Variants in SCN9A observed in about 807,000 individuals in gnomAD.
SCN9A encodes sodium channel protein type 9 subunit alpha.
Under a neutral mutation model 187.0 loss-of-function variants are expected in SCN9A, and 131 were observed. The ratio of observed to expected loss-of-function variants is 0.70; its 90% CI spans 0.61 to 0.81. The LOEUF (loss-of-function observed/expected upper bound fraction) is 0.81, where lower values mean the gene tolerates loss of function less well. Ranked by LOEUF, SCN9A falls within the 30% of genes least tolerant of loss-of-function variation. The probability of loss-of-function intolerance (pLI) is 0.00; values close to 1 mark genes in which losing one functional copy is unlikely to be tolerated. For missense variants in SCN9A, 2,252 were observed against 2,396.6 expected (o/e 0.94, Z 1.26); for synonymous variants, 809 against 808.6 (o/e 1.00, Z -0.01).
chr2:166,278,356 A>T, intron 14 of SCN9A, 43 bp from the exon 15 acceptor site: 2 of 1,447,536 alleles, frequency 1.4e-6, no homozygotes, highest in South Asian at 2.6e-5. Context: ...ATTAGAAAAC[A>T]GGAAATCAAC....
intron 2 of SCN9A, among the ~76,000 whole-genome samples, chr2:166,309,213 C>T (rs1439389589): frequency 1.3e-5 from 2 of 152,034 alleles, no homozygotes; most frequent in African/African-American, 4.8e-5. Context: ...CATGAAAAAT[C>T]ACAACATACT....
In SCN9A at chr2:166,347,836, A is replaced by G. The variant is rs542394071; in HGVS notation, c.-51+27861T>C. ...AAAGTTCATGCCACAGAATTTAAAGAGGCTGTTACACTCTGATCTAGAACT... is the reference window on the plus strand; with the variant it reads ...AAAGTTCATGCCACAGAATTTAAAGGGGCTGTTACACTCTGATCTAGAACT... On this transcript the variant is annotated intron_variant, in intron 1 of 26. Coordinates refer to ENST00000642356, the MANE Select transcript of SCN9A (RefSeq NM_001365536.1). Among the ~76,000 whole-genome samples the G allele has an allele frequency of 1.2e-4, 18 of 152,310 alleles. No individual in the cohort carries two copies. The South Asian group carries it at 1.7e-3, about 14-fold the overall frequency.
At position 166,197,240 on chromosome 2, in the gene SCN9A, A is replaced by G. The variant is rs193025500; in HGVS notation, c.*1432T>C. 1 of 152,100 alleles carries G rather than the reference A, an allele frequency of 6.6e-6. No homozygotes were observed. Among genetic ancestry groups the G allele is most frequent in the African/African-American group, 2.4e-5 (1 of 41,438 alleles). 9.4% of individuals were successfully genotyped at this position (152,100 alleles called of 1,614,324 possible). A position where few individuals can be genotyped will look rare whatever the true frequency, so the allele number is the denominator to read the frequency against. ...CATATTCCTGAAATAAACTCACGAA[A>G]AAAAGCATTATGGTTATTTCTTTTC... On this transcript the variant is annotated 3_prime_UTR_variant, in exon 27 of 27. Transcript: ENST00000642356.
intron 24 of SCN9A, among the ~76,000 whole-genome samples, chr2:166,218,978 C>T (rs887239357): frequency 2.0e-5 from 3 of 152,166 alleles, no homozygotes; most frequent in Non-Finnish European, 4.4e-5. Flanking sequence ...CTCAATGTCA[C>T]TGACCATTAG....
chr2:166,363,383 C>A (rs1700335481), intron 1 of SCN9A, among the ~76,000 whole-genome samples: 1 of 151,948 alleles, frequency 6.6e-6, no homozygotes, highest in South Asian at 2.1e-4. Flanking sequence ...ACAATGAATC[C>A]TTGTTTGATT....
At chr2:166,217,338 A>G (rs889768936) in intron 24 of SCN9A, among the ~76,000 whole-genome samples, 2 of 152,124 alleles carry the variant, frequency 1.3e-5, no homozygotes, top group East Asian at 1.9e-4. Flanking sequence ...CACAGGTAAC[A>G]AAAGACAATA....
intron 17 of SCN9A, among the ~76,000 whole-genome samples, chr2:166,255,606 T>G (rs1424443255): frequency 6.6e-6 from 1 of 151,422 alleles, no homozygotes; most frequent in Non-Finnish European, 1.5e-5. Context: ...AACAAAAACC[T>G]TACTCAAAGA....
intron 26 of SCN9A, among the ~76,000 whole-genome samples, chr2:166,202,024 A>AT (rs1478815368): frequency 6.6e-6 from 1 of 151,244 alleles, no homozygotes; most frequent in African/African-American, 2.4e-5. Context: ...GTCTATTGGG[A>AT]TTTTTACTAT....
chr2:166,284,561 C>T lies in SCN9A; in HGVS notation c.1866G>A (p.Val622=), dbSNP rs552284177. ...LPVNGKMHSA[V]DCNGVVSLVD... is the part of the protein sequence containing the mutation. Reference sequence around the variant, plus strand: ...CCAGGGAGACCACACCGTTGCAGTCCACAGCACTGTGCATTTTCCCGTTCA... The same window carrying T: ...CCAGGGAGACCACACCGTTGCAGTCTACAGCACTGTGCATTTTCCCGTTCA... Residue 622 remains valine (V), a synonymous_variant, in exon 12 of 27, where the codon GTG becomes GTA. Transcript: ENST00000642356. 22 of 1,614,114 alleles carry T rather than the reference C, an allele frequency of 1.4e-5. No individual in the cohort carries two copies. The African/African-American group carries it at 1.5e-4, about 11-fold the overall frequency.
At chr2:166,202,175 T>A (rs537262342) in intron 26 of SCN9A, among the ~76,000 whole-genome samples, 1 of 151,688 alleles carries the variant, frequency 6.6e-6, no homozygotes, top group Non-Finnish European at 1.5e-5. Flanking sequence ...AATATTTTGT[T>A]TTTTTGTGCA....
intron 4 of SCN9A, among the ~76,000 whole-genome samples, chr2:166,306,159 A>T (rs1698749669): frequency 6.6e-6 from 1 of 152,140 alleles, no homozygotes; most frequent in African/African-American, 2.4e-5. Flanking sequence ...TAGGTCTCAG[A>T]TCTGCCTAAA....
chr2:166,262,275 T>A (rs1334156005), intron 17 of SCN9A, among the ~76,000 whole-genome samples: 1 of 152,034 alleles, frequency 6.6e-6, no homozygotes, highest in Non-Finnish European at 1.5e-5. Flanking sequence ...AATACCATAA[T>A]GTATAAAATA....
intron 2 of SCN9A, among the ~76,000 whole-genome samples, chr2:166,308,882 C>G (rs1328421901): frequency 6.9e-6 from 1 of 144,896 alleles, no homozygotes; most frequent in East Asian, 2.0e-4. Flanking sequence ...GCCAAAATCG[C>G]GCCACGGCAC....
In SCN9A at chr2:166,290,080, C is replaced by T. The variant is rs1290399577; in HGVS notation, c.1108-1437G>A. Among the ~76,000 whole-genome samples, 4 of 152,050 alleles carry T rather than the reference C, an allele frequency of 2.6e-5. No homozygotes were observed. In the South Asian group the frequency reaches 6.2e-4, roughly 24 times the overall value. On this transcript the variant is annotated intron_variant, in intron 9 of 26. Coordinates refer to ENST00000642356, the MANE Select transcript of SCN9A (RefSeq NM_001365536.1). ...CTCCCTCCCCTTGCCTCCCACCCCC[C>T]AACAGGCCCCGGTGTGTGTTGTTCC...
At chr2:166,338,767 A>G (rs1224425081) in intron 1 of SCN9A, among the ~76,000 whole-genome samples, 2 of 152,162 alleles carry the variant, frequency 1.3e-5, no homozygotes, top group Non-Finnish European at 1.5e-5. Flanking sequence ...TGGGCAGAAT[A>G]CAAATCAGTT....
intron 24 of SCN9A, among the ~76,000 whole-genome samples, chr2:166,219,339 T>A (rs945046962): frequency 6.6e-6 from 1 of 152,066 alleles, no homozygotes; most frequent in Non-Finnish European, 1.5e-5. Flanking sequence ...AGTGATAGAC[T>A]GGATAAAGAT....
intron 1 of SCN9A, among the ~76,000 whole-genome samples, chr2:166,339,279 C>T (rs115783892): frequency 0.015 from 2,278 of 152,202 alleles, 23 homozygotes; most frequent in African/African-American, 0.024. Flanking sequence ...GTAAGTTGGT[C>T]TTAACTTTCT....
intron 2 of SCN9A, among the ~76,000 whole-genome samples, chr2:166,308,566 A>G (rs1698833797): frequency 6.6e-6 from 1 of 152,270 alleles, no homozygotes; most frequent in Admixed American, 6.5e-5. Context: ...AACAGTGAGT[A>G]AATTAAATCT....
intron 18 of SCN9A, among the ~76,000 whole-genome samples, chr2:166,251,316 C>T (rs1696026184): frequency 1.3e-5 from 2 of 151,930 alleles, no homozygotes; most frequent in African/African-American, 4.8e-5. Context: ...AAATAAAAGA[C>T]CAAAGGTAGA....
Sources: allele counts gnomAD v4.1 joint callset (sites outside exome capture counted in the v4.1 genomes callset), GRCh38; gene constraint gnomAD v4.1.1; transcripts MANE v1.5; gene names NCBI Gene and HGNC (gene_info 2026-07-23, HGNC 2026-07-21).